The following MYO18B variants were observed in gnomAD, a reference collection of about 807,000 sequenced individuals.
The protein encoded by MYO18B is unconventional myosin-XVIIIb.
In MYO18B, 204 loss-of-function variants were observed where a neutral mutation model predicts 273.0. The observed-to-expected ratio is 0.75, with a 90% CI of 0.67 to 0.84. MYO18B has a LOEUF of 0.84. MYO18B is among the 40% of genes least tolerant of loss of function. The pLI is 0.00. For missense variants in MYO18B, 3,212 were observed against 3,287.6 expected (o/e 0.98, Z 0.56); for synonymous variants, 1,330 against 1,305.7 (o/e 1.02, Z -0.40).
intron 34 of MYO18B, among the ~76,000 whole-genome samples, chr22:25,934,588 A>G (rs188689057): frequency 2.8e-4 from 42 of 152,296 alleles, no homozygotes; most frequent in Middle Eastern, 3.4e-3. Context: ...GCTTGGTTTT[A>G]TACATTTTAG....
chr22:25,999,232 C>T (rs1230407385), intron 40 of MYO18B, among the ~76,000 whole-genome samples: 6 of 152,128 alleles, frequency 3.9e-5, no homozygotes. Context: ...AATGGCCAAG[C>T]GTTGTTGTCA....
At chr22:25,868,764 A>G (rs753788414) in intron 22 of MYO18B, among the ~76,000 whole-genome samples, 3 of 152,124 alleles carry the variant, frequency 2.0e-5, no homozygotes, top group Non-Finnish European at 4.4e-5. Flanking sequence ...CAGCTCTAAC[A>G]CAGCTATAGT....
rs1555896510 is a variant in MYO18B, at chr22:25,802,767, A to AAAAC, written c.2521+4673_2521+4674insCAAA. ...GACTCTGTCTCAAAAAAAAAAAAAA[A>AAAAC]AAAAAAAAACCCCTATAGCCTTTAG... On this transcript the variant is annotated intron_variant, in intron 12 of 43. Coordinates refer to ENST00000335473, the MANE Select transcript of MYO18B (RefSeq NM_032608.7). Among the ~76,000 whole-genome samples the AAAAC allele has an allele frequency of 1.6e-4, 21 of 134,990 alleles. 1 individual carries two copies. The highest frequency in any genetic ancestry group is 4.8e-4 in the African/African-American group (17 of 35,262). The allele number at this position is 134,990 out of a possible 152,430, so 88.6% of individuals were successfully genotyped here.
At chr22:25,884,151 A>G (rs547527555) in intron 25 of MYO18B, among the ~76,000 whole-genome samples, 1 of 152,302 alleles carries the variant, frequency 6.6e-6, no homozygotes, top group East Asian at 1.9e-4. Flanking sequence ...TGTGGAGACA[A>G]TCCACTGACG....
At chr22:25,917,053 CAAAG>C (rs1354730129) in intron 33 of MYO18B, among the ~76,000 whole-genome samples, 3 of 151,940 alleles carry the variant, frequency 2.0e-5, no homozygotes, top group East Asian at 3.9e-4. Flanking sequence ...ACAAAACAAA[CAAAG>C]AAACAAAAAT....
intron 11 of MYO18B, among the ~76,000 whole-genome samples, chr22:25,796,217 GA>G (rs983769741): frequency 7.4e-4 from 53 of 71,998 alleles, no homozygotes; most frequent in African/African-American, 2.7e-3. Flanking sequence ...AACATAATTG[GA>G]ATCATAAATC....
At chr22:25,931,681 C>CTTTTTTTTTTTTTTTTTTT (rs71311530) in intron 34 of MYO18B, among the ~76,000 whole-genome samples, 2 of 123,514 alleles carry the variant, frequency 1.6e-5, no homozygotes, top group African/African-American at 3.1e-5. Flanking sequence ...TTTCTTTTTT[C>CTTTTTTTTTTTTTTTTTTT]TTTTTTTTTT....
chr22:26,025,374 T>C (rs1936161511), intron 42 of MYO18B, among the ~76,000 whole-genome samples: 1 of 152,182 alleles, frequency 6.6e-6, no homozygotes, highest in South Asian at 2.1e-4. Flanking sequence ...GCAAGAAGTC[T>C]TCCTCAAAGT....
rs529599904 is a variant in MYO18B, at chr22:25,780,101, C to T, written c.2114C>T (p.Ser705Phe). 4.6e-4 allele frequency: 732 copies of T among 1,601,462 alleles called. 9 individuals are homozygous for T. The South Asian group carries it at 5.7e-3, about 12-fold the overall frequency. Residue 705 changes from serine (S) to phenylalanine (F), a missense_variant, in exon 9 of 44, where the codon TCT becomes TTT. Physicochemically the swap from Ser to Phe is radical, Grantham distance 155. Coordinates refer to ENST00000335473, the MANE Select transcript of MYO18B (RefSeq NM_032608.7). ...ATFTVLRAFG[S>F]VSMAHSRSAT... ...TTCACTGTCCTCCGGGCCTTCGGCT[C>T]TGTGTCCATGGCCCACAGCCGCAGT...
At chr22:25,747,205 T>C (rs549425655) in intron 1 of MYO18B, among the ~76,000 whole-genome samples, 71 of 152,200 alleles carry the variant, frequency 4.7e-4, no homozygotes, top group Non-Finnish European at 8.2e-4. Context: ...GGGGAACCTG[T>C]TACCAAAAGT....
At chr22:25,991,821 G>A (rs1367610643) in intron 39 of MYO18B, among the ~76,000 whole-genome samples, 4 of 152,176 alleles carry the variant, frequency 2.6e-5, no homozygotes, top group Admixed American at 1.3e-4. Flanking sequence ...TGCCCATCGC[G>A]CTTGCCTGTT....
chr22:25,761,345 C>T (rs1454338531), intron 2 of MYO18B, among the ~76,000 whole-genome samples: 2 of 151,818 alleles, frequency 1.3e-5, no homozygotes, highest in Non-Finnish European at 2.9e-5. Flanking sequence ...CCTTGACGCC[C>T]CCCCGAGGGC....
chr22:25,802,765 A>AAC (rs2088268781), intron 12 of MYO18B, among the ~76,000 whole-genome samples: 1 of 90,662 alleles, frequency 1.1e-5, no homozygotes, highest in African/African-American at 3.6e-5. Flanking sequence ...AAAAAAAAAA[A>AAC]AAAAAAAAAA....
At chr22:25,948,022 A>G (rs182639276) in intron 36 of MYO18B, among the ~76,000 whole-genome samples, 194 bp downstream of exon 36, 53 of 152,282 alleles carry the variant, frequency 3.5e-4, no homozygotes, top group African/African-American at 1.3e-3. Context: ...TGGTGTGTGC[A>G]TCTCTGGAGG....
chr22:25,877,960 A>T lies in MYO18B; in HGVS notation c.4226A>T (p.Glu1409Val), dbSNP rs1371180395. Residue 1409 changes from glutamate (E) to valine (V), a missense_variant and splice_region_variant, in exon 25 of 44, where the codon GAG (glutamate) becomes GTG (valine). Transcript: ENST00000335473. ...CTGTTCATGTGTTTGTTTTTGTAGG[A>T]GGAGCTTACAACGCTAAGACGGAAG... is the stretch of plus-strand genomic sequence containing the variant. ...IGTEQLRAKE[E>V]ELTTLRRKLE... is the part of the protein sequence containing the mutation. 2.5e-6 allele frequency: 4 copies of T among 1,569,886 alleles called. No individual in the cohort carries two copies. The Admixed American group carries it at 7.5e-5, about 29-fold the overall frequency.
intron 12 of MYO18B, among the ~76,000 whole-genome samples, chr22:25,800,751 A>G (rs2088157801): frequency 6.6e-6 from 1 of 152,176 alleles, no homozygotes; most frequent in South Asian, 2.1e-4. Context: ...TAGGAGCTCA[A>G]TTTTATTCCT....
At chr22:25,808,480 C>G (rs886498499) in intron 12 of MYO18B, among the ~76,000 whole-genome samples, 2 of 152,196 alleles carry the variant, frequency 1.3e-5, no homozygotes, top group African/African-American at 4.8e-5. Flanking sequence ...CAGTACCTGT[C>G]TGCCTCCAAA....
At chr22:25,849,675 G>A (rs926686593) in intron 20 of MYO18B, among the ~76,000 whole-genome samples, 5 of 152,138 alleles carry the variant, frequency 3.3e-5, no homozygotes, top group Non-Finnish European at 7.3e-5. Context: ...GAGGGAAATG[G>A]TTTGGCCTTG....
At chr22:25,959,830 G>A (rs1192908028) in intron 39 of MYO18B, among the ~76,000 whole-genome samples, 1 of 152,180 alleles carries the variant, frequency 6.6e-6, no homozygotes, top group African/African-American at 2.4e-5. Flanking sequence ...TGTCCCACGT[G>A]TCCAATGCTA....
Sources: allele counts gnomAD v4.1 joint callset (sites outside exome capture counted in the v4.1 genomes callset), GRCh38; gene constraint gnomAD v4.1.1; transcripts MANE v1.5; gene names NCBI Gene and HGNC (gene_info 2026-07-23, HGNC 2026-07-21).